GPAT3: variants seen among roughly 807,000 people sequenced by gnomAD.
The protein encoded by GPAT3 is 1-AGP acyltransferase 9.
Under a neutral mutation model 58.8 loss-of-function variants are expected in GPAT3, and 53 were observed. That is an observed-to-expected ratio of 0.90 (90% CI 0.72 to 1.13). The LOEUF is 1.13. Among genes scored for constraint, GPAT3 ranks in the 50% most tolerant of loss-of-function variants. The pLI, the probability that GPAT3 is intolerant of heterozygous loss-of-function variation, is 0.00. For missense variants in GPAT3, 511 were observed against 527.6 expected, an observed-to-expected ratio of 0.97 and a Z score of 0.31; for synonymous variants, 197 against 187.4, an observed-to-expected ratio of 1.05 and a Z score of -0.42.
At chr4:83,594,998 A>G in intron 7 of GPAT3, 38 bp downstream of exon 7, 2 of 1,579,724 alleles carry the variant, frequency 1.3e-6, no homozygotes, top group Admixed American at 1.7e-5. Context: ...CTGGAGTAGC[A>G]TAAAAGCTGA....
chr4:83,578,992 CCTT>C (rs2110095090), intron 2 of GPAT3, among the ~76,000 whole-genome samples: 4 of 110,914 alleles, frequency 3.6e-5, no homozygotes, highest in African/African-American at 1.7e-4. Flanking sequence ...TTCTTTCCTT[CCTT>C]CCTTCCTTCC....
Position 83,588,239 on chromosome 4 carries a change from A to G in GPAT3, c.584A>G (p.His195Arg), listed in dbSNP as rs1225813262. The G allele has an allele frequency of 1.2e-6, 2 of 1,614,056 alleles. No individual in the cohort carries two copies. Among genetic ancestry groups the G allele is most frequent in the African/African-American group, 1.3e-5 (1 of 75,038 alleles). Residue 195 changes from histidine (H) to arginine (R), a missense_variant, in exon 5 of 12, where the codon CAT becomes CGT. Physicochemically the swap from His to Arg is conservative, Grantham distance 29. Coordinates refer to ENST00000264409, the MANE Select transcript of GPAT3 (RefSeq NM_032717.5). ...AAAAACTGGCTGAGTGAACTGGTCC[A>G]TCTGACTTGCTGCCGGATCTGTGTG... The part of the protein sequence containing the change: ...SLKNWLSELV[H>R]LTCCRICVRA...
intron 2 of GPAT3, among the ~76,000 whole-genome samples, chr4:83,576,616 T>A (rs945870218): frequency 3.3e-5 from 5 of 152,002 alleles, no homozygotes; most frequent in South Asian, 2.1e-4. Flanking sequence ...GCTAATTTTT[T>A]AAATTTTTAT....
chr4:83,547,364 T>C (rs1478261271), intron 2 of GPAT3, among the ~76,000 whole-genome samples: 2 of 148,336 alleles, frequency 1.3e-5, no homozygotes, highest in South Asian at 2.2e-4. Flanking sequence ...GCCATTCTCC[T>C]GCCTCAGCCT....
chr4:83,566,390 T>C (rs1020512714), intron 2 of GPAT3, among the ~76,000 whole-genome samples: 1 of 149,096 alleles, frequency 6.7e-6, no homozygotes, highest in African/African-American at 2.5e-5. Context: ...GCTTTTCCTA[T>C]TTATTCTTTT....
At chr4:83,570,148 G>A (rs1013525303) in intron 2 of GPAT3, among the ~76,000 whole-genome samples, 2 of 152,180 alleles carry the variant, frequency 1.3e-5, no homozygotes, top group African/African-American at 4.8e-5. Context: ...AACATATGAG[G>A]AAGCACTTGG....
intron 6 of GPAT3, 41 bp downstream of exon 6, chr4:83,590,333 T>A (rs747695972): frequency 6.9e-6 from 11 of 1,584,978 alleles, no homozygotes; most frequent in Non-Finnish European, 9.5e-6. Context: ...TTGCATGTTT[T>A]ATGGATTGAT....
At chr4:83,535,869 C>T (rs1724056841), upstream of GPAT3, 7 of 985,532 alleles carry the variant, frequency 7.1e-6, no homozygotes, top group Non-Finnish European at 8.4e-6. Context: ...GTCCCAGATA[C>T]GTCAGCAGTT....
At chr4:83,539,519 T>C (rs1724217925) in intron 1 of GPAT3, among the ~76,000 whole-genome samples, 1 of 152,244 alleles carries the variant, frequency 6.6e-6, no homozygotes, top group Admixed American at 6.5e-5. Context: ...AGTTGAAATG[T>C]GTGTAGGGTA....
At chr4:83,562,564 T>C (rs946729916) in intron 2 of GPAT3, among the ~76,000 whole-genome samples, 1 of 151,848 alleles carries the variant, frequency 6.6e-6, no homozygotes, top group Non-Finnish European at 1.5e-5. Context: ...CATATAATAA[T>C]GTGAGCCTGG....
chr4:83,575,284 A>AT (rs902140318), intron 2 of GPAT3, among the ~76,000 whole-genome samples: 1 of 151,972 alleles, frequency 6.6e-6, no homozygotes, highest in Admixed American at 6.6e-5. Flanking sequence ...TGAATTGAAT[A>AT]TTTTTTCCTG....
chr4:83,578,948 T>TCTTTCTTTCTTTCTTTCTTTCTTTTTC (rs11392342), intron 2 of GPAT3, among the ~76,000 whole-genome samples: 1 of 71,878 alleles, frequency 1.4e-5, no homozygotes. Flanking sequence ...TTTTCTTTTC[T>TCTTTCTTTCTTTCTTTCTTTCTTTTTC]TTTCTTTCTT....
At chr4:83,579,146 CCT>C (rs377192837) in intron 2 of GPAT3, among the ~76,000 whole-genome samples, 9,648 of 106,408 alleles carry the variant, frequency 0.091, 1,872 homozygotes, top group East Asian at 0.19. Context: ...TCCCTCCCTC[CCT>C]CTCTCTCTTT....
In GPAT3 at chr4:83,553,597, G is replaced by C. The variant is rs1724833816; in HGVS notation, c.208+8995G>C. Among the ~76,000 whole-genome samples, 3 of 151,990 alleles carry C rather than the reference G, an allele frequency of 2.0e-5. No homozygotes were observed. The South Asian group carries it at 6.2e-4, about 32-fold the overall frequency. ...GGTTTGAAAAAGTTGAGTGAGAACT[G>C]AGATTCAAAGATTATTTGAGGCCGG... On this transcript the variant is annotated intron_variant, in intron 2 of 11. Coordinates refer to ENST00000264409, the MANE Select transcript of GPAT3 (RefSeq NM_032717.5).
intron 2 of GPAT3, among the ~76,000 whole-genome samples, chr4:83,580,876 C>G (rs1444322652): frequency 6.6e-6 from 1 of 151,958 alleles, no homozygotes; most frequent in Non-Finnish European, 1.5e-5. Flanking sequence ...GCAGGCAGAT[C>G]ACGAGGTCAG....
chr4:83,579,870 C>T lies in GPAT3; in HGVS notation c.209-1692C>T, dbSNP rs550786256. Among the ~76,000 whole-genome samples, 20 of 152,300 alleles carry T rather than the reference C, an allele frequency of 1.3e-4. No homozygotes were observed. The South Asian group carries it at 3.7e-3, about 28-fold the overall frequency. On this transcript the variant is annotated intron_variant, in intron 2 of 11. Transcript: ENST00000264409. ...ACTATTACAGCTCTTTCTACTAATA[C>T]ACGTATAACTCTTTCCGGGATAGGT...
chr4:83,572,972 C>G (rs754880934), intron 2 of GPAT3, among the ~76,000 whole-genome samples: 17 of 152,108 alleles, frequency 1.1e-4, no homozygotes, highest in Admixed American at 9.8e-4. Flanking sequence ...GACTGGAAAT[C>G]TGTGCAGTTA....
chr4:83,552,877 G>C lies in GPAT3; in HGVS notation c.208+8275G>C, dbSNP rs992208259. Among the ~76,000 whole-genome samples the C allele has an allele frequency of 7.9e-5, 12 of 152,172 alleles. No individual in the cohort carries two copies. The South Asian group carries it at 8.3e-4, about 11-fold the overall frequency. On this transcript the variant is annotated intron_variant, in intron 2 of 11. Transcript: ENST00000264409. ...GGTAGAGCCATAATGAGTGGGATTAGTGCCCTTATAAATACGGGCCCCAGG... is the reference window on the plus strand; with the variant it reads ...GGTAGAGCCATAATGAGTGGGATTACTGCCCTTATAAATACGGGCCCCAGG...
In GPAT3 at chr4:83,590,189, G is replaced by A; in HGVS notation, c.645-10G>A. 6.2e-7 allele frequency: 1 copy of A among 1,608,436 alleles called. No individual in the cohort carries two copies. ...GAAGACTTCGAATTTTCCATTGTTT[G>A]TAATTGCAGGCAGTACAGACCCCAG... On this transcript the variant is annotated splice_polypyrimidine_tract_variant and intron_variant, in intron 5 of 11. Transcript: ENST00000264409.
Sources: allele counts gnomAD v4.1 joint callset (sites outside exome capture counted in the v4.1 genomes callset), GRCh38; gene constraint gnomAD v4.1.1; transcripts MANE v1.5; gene names NCBI Gene and HGNC (gene_info 2026-07-23, HGNC 2026-07-21).